Variants in CSMD3 observed in about 807,000 individuals in gnomAD.
The protein encoded by CSMD3 is CUB and sushi domain-containing protein 3.
CSMD3 carries 177 observed loss-of-function variants against 435.2 expected under a neutral mutation model. The ratio of observed to expected loss-of-function variants is 0.41; its 90% CI spans 0.36 to 0.46. The LOEUF (loss-of-function observed/expected upper bound fraction) is 0.46, where lower values mean the gene tolerates loss of function less well. Among genes scored for constraint, CSMD3 ranks in the 20% least tolerant of loss-of-function variants. CSMD3 has a pLI of 0.34. For synonymous variants in CSMD3, 1,656 were observed against 1,520.5 expected, an observed-to-expected ratio of 1.09 and a Z score of -2.07; for missense variants, 4,265 against 4,504.6, an observed-to-expected ratio of 0.95 and a Z score of 1.52.
intron 10 of CSMD3, among the ~76,000 whole-genome samples, chr8:112,877,346 A>T (rs1587550042): frequency 6.6e-6 from 1 of 152,050 alleles, no homozygotes; most frequent in African/African-American, 2.4e-5. Flanking sequence ...GCTCACTGCA[A>T]CCTCTGCCAC....
chr8:112,634,131 T>A (rs2074591937), intron 22 of CSMD3, among the ~76,000 whole-genome samples: 1 of 151,712 alleles, frequency 6.6e-6, no homozygotes, highest in South Asian at 2.1e-4. Flanking sequence ...TACAAAGAGG[T>A]TAAGAAGAAA....
intron 1 of CSMD3, among the ~76,000 whole-genome samples, chr8:113,393,595 G>C (rs75021499): frequency 5.3e-5 from 8 of 152,118 alleles, no homozygotes; most frequent in African/African-American, 1.9e-4. Flanking sequence ...ACCAATTCTC[G>C]TTAAGTTACT....
intron 4 of CSMD3, among the ~76,000 whole-genome samples, chr8:113,152,998 A>G (rs2091844407): frequency 6.6e-6 from 1 of 151,136 alleles, no homozygotes; most frequent in Non-Finnish European, 1.5e-5. Flanking sequence ...AACAAAACAA[A>G]AGAATACAAA....
intron 1 of CSMD3, among the ~76,000 whole-genome samples, chr8:113,397,080 G>A (rs1242224539): frequency 6.6e-6 from 1 of 152,070 alleles, no homozygotes; most frequent in Non-Finnish European, 1.5e-5. Flanking sequence ...AGTTTCTATA[G>A]GAACTGGAAA....
chr8:113,360,257 A>G (rs2094263424), intron 1 of CSMD3, among the ~76,000 whole-genome samples: 1 of 152,152 alleles, frequency 6.6e-6, no homozygotes, highest in Non-Finnish European at 1.5e-5. Context: ...CAGACAGACC[A>G]GGTTTTATAC....
chr8:113,054,652 C>T (rs1285560094), intron 5 of CSMD3, among the ~76,000 whole-genome samples: 3 of 152,204 alleles, frequency 2.0e-5, no homozygotes, highest in Non-Finnish European at 4.4e-5. Context: ...TTCTAATCTC[C>T]CTCATCTTTT....
Position 112,414,765 on chromosome 8 carries a change from A to G in CSMD3, c.5396-5733T>C, listed in dbSNP as rs574952278. ...ATGCTGATAGTGATATGGACAACGAAGTCCAGACTGAGGTTTTCTCAGATG... is the reference window on the plus strand; with the variant it reads ...ATGCTGATAGTGATATGGACAACGAGGTCCAGACTGAGGTTTTCTCAGATG... On this transcript the variant is annotated intron_variant, in intron 32 of 70. Coordinates refer to ENST00000297405, the MANE Select transcript of CSMD3 (RefSeq NM_198123.2). Among the ~76,000 whole-genome samples the G allele has an allele frequency of 6.6e-5, 10 of 152,314 alleles. 1 individual carries two copies. In the South Asian group the frequency reaches 1.7e-3, roughly 25 times the overall value.
chr8:112,905,997 C>G (rs371538895), intron 10 of CSMD3, among the ~76,000 whole-genome samples: 6 of 151,356 alleles, frequency 4.0e-5, no homozygotes, highest in Non-Finnish European at 7.4e-5. Flanking sequence ...GGCCAGAGAG[C>G]TAGCTCTTCC....
At chr8:113,178,604 A>G (rs934639119) in intron 3 of CSMD3, among the ~76,000 whole-genome samples, 2 of 151,940 alleles carry the variant, frequency 1.3e-5, no homozygotes, top group African/African-American at 2.4e-5. Flanking sequence ...ATTAGTATTG[A>G]TTAAGAGGAG....
chr8:112,608,433 G>A (rs13250246), intron 22 of CSMD3, among the ~76,000 whole-genome samples: 87,254 of 151,806 alleles, frequency 0.57, 25,621 homozygotes, highest in African/African-American at 0.68. Flanking sequence ...ACACAGAAAT[G>A]GAAAATCAAA....
intron 13 of CSMD3, among the ~76,000 whole-genome samples, chr8:112,758,489 T>G (rs1441943055): frequency 6.6e-6 from 1 of 152,240 alleles, no homozygotes; most frequent in Non-Finnish European, 1.5e-5. Flanking sequence ...ATAGCTAACA[T>G]TAAATCTTTG....
chr8:112,979,968 A>G (rs541723529), intron 6 of CSMD3, among the ~76,000 whole-genome samples: 48 of 151,112 alleles, frequency 3.2e-4, no homozygotes, highest in Non-Finnish European at 6.1e-4. Flanking sequence ...AGTCATAACT[A>G]TATGTCATCT....
chr8:112,602,582 A>G (rs1272088159), intron 22 of CSMD3, among the ~76,000 whole-genome samples: 3 of 144,854 alleles, frequency 2.1e-5, no homozygotes, highest in Non-Finnish European at 4.5e-5. Flanking sequence ...AAAAAAAAAA[A>G]AGAAAGAAAA....
chr8:112,791,324 A>AGG (rs1563964306), intron 13 of CSMD3, among the ~76,000 whole-genome samples: 3 of 147,896 alleles, frequency 2.0e-5, no homozygotes, highest in Middle Eastern at 3.5e-3. Context: ...CCTGTGAAAA[A>AGG]AAAAAAAAAA....
intron 10 of CSMD3, among the ~76,000 whole-genome samples, chr8:112,891,988 T>C (rs1009318722): frequency 2.0e-5 from 3 of 151,450 alleles, no homozygotes; most frequent in African/African-American, 2.4e-5. Flanking sequence ...ACTACAAAAG[T>C]CTTATGATCT....
chr8:113,351,330 A>G (rs1305321078), intron 1 of CSMD3, among the ~76,000 whole-genome samples: 6 of 152,196 alleles, frequency 3.9e-5, no homozygotes, highest in African/African-American at 1.4e-4. Flanking sequence ...AACCCCAAAC[A>G]GTTAAATGAA....
chr8:112,831,324 C>CT (rs55658194), intron 11 of CSMD3, among the ~76,000 whole-genome samples: 2,930 of 140,666 alleles, frequency 0.021, 35 homozygotes, highest in Non-Finnish European at 0.026. Flanking sequence ...CATTTTCTTT[C>CT]TTTTTTTTTT....
At chr8:112,257,365 T>C (rs895053470) in intron 61 of CSMD3, among the ~76,000 whole-genome samples, 4 of 152,156 alleles carry the variant, frequency 2.6e-5, no homozygotes. Context: ...ATGATGTGAT[T>C]GTATATTTAG....
In CSMD3 at chr8:112,234,464, G is replaced by A. The variant is rs2129945006; in HGVS notation, c.10641C>T (p.Ser3547=). 1 of 1,601,538 alleles carries A rather than the reference G, an allele frequency of 6.2e-7. No homozygotes were observed. Among genetic ancestry groups the A allele is most frequent in the Non-Finnish European group, 8.6e-7 (1 of 1,169,142 alleles). The change falls in exon 68 of 71, where the codon AGC becomes AGT. Residue 3547 remains serine, a synonymous_variant. Coordinates refer to ENST00000297405, the MANE Select transcript of CSMD3 (RefSeq NM_198123.2). ...TGCGTAACATTAGGCGAGCTTCCTG[G>A]CTTTTATATACCCCTGTAAAATGCA... ...MELLLSGVYK[S]QEARLMLRIY...
Sources: gnomAD v4.1 joint callset for allele counts (sites outside exome capture counted in the v4.1 genomes callset) on GRCh38, gnomAD v4.1.1 for gene constraint, MANE v1.5 for transcripts, NCBI Gene and HGNC (gene_info 2026-07-23, HGNC 2026-07-21) for gene names.